Variants in OR10AG1 observed in about 807,000 individuals in gnomAD.
OR10AG1 encodes olfactory receptor 10AG1.
For missense variants in OR10AG1, 433 were observed against 376.5 expected, an observed-to-expected ratio of 1.15 and a Z score of -1.24; for synonymous variants, 147 against 128.6, an observed-to-expected ratio of 1.14 and a Z score of -0.97.
rs1852698715 is a variant in OR10AG1, at chr11:55,967,502, T to C, written c.*56A>G. 4 of 1,161,418 alleles carry C rather than the reference T, an allele frequency of 3.4e-6. No homozygotes were observed. The highest frequency in any genetic ancestry group is 2.9e-4 in the Middle Eastern group (1 of 3,392). The allele number at this position is 1,161,418 out of a possible 1,614,324, so 71.9% of individuals were successfully genotyped here. A position where few individuals can be genotyped will look rare whatever the true frequency, so the allele number is the denominator to read the frequency against. ...GGGACAAAGTTAAAAAAAAATTCAC[T>C]GAAGCCACATGACAAACCTATAAAG... On this transcript the variant is annotated 3_prime_UTR_variant, in exon 2 of 2. Coordinates refer to ENST00000641071, the MANE Select transcript of OR10AG1 (RefSeq NM_001005491.2).
In OR10AG1 at chr11:55,968,120, A is replaced by T; in HGVS notation, c.404T>A (p.Val135Glu). ...ATACTGCAAAGGCTTACAAATAGCC[A>T]CGTAGCGGTCATAGGCCATCACTGT... ...LLTVMAYDRYVAICKPLQYPL... is the reference protein window; with the variant it reads ...LLTVMAYDRYEAICKPLQYPL... The change falls in exon 2 of 2, where the codon GTG becomes GAG. Residue 135 changes from valine to glutamate, a missense_variant. Transcript: ENST00000641071. 6.2e-7 allele frequency: 1 copy of T among 1,614,006 alleles called. No homozygotes were observed. The highest frequency in any genetic ancestry group is 1.6e-4 in the Middle Eastern group (1 of 6,062).
chr11:55,967,990 G>A lies in OR10AG1; in HGVS notation c.534C>T (p.Pro178=). 6.2e-7 allele frequency: 1 copy of A among 1,614,064 alleles called. No homozygotes were observed. Among genetic ancestry groups the A allele is most frequent in the Non-Finnish European group, 8.5e-7 (1 of 1,179,988 alleles). Residue 178 remains proline, a synonymous_variant, in exon 2 of 2, where the codon CCC becomes CCT. Transcript: ENST00000641071. ...GATTAATTGTGTTAGTTCCGCAAAA[G>A]GGCAAAAGGAAAATTTGGCATGTTT... ...IGETCQIFLL[P]FCGTNTINHF...
chr11:55,969,678 A>ATAG (rs1215528025), intron 1 of OR10AG1, among the ~76,000 whole-genome samples: 1 of 152,152 alleles, frequency 6.6e-6, no homozygotes, highest in Non-Finnish European at 1.5e-5. Context: ...ATTGCCTTAA[A>ATAG]TGACTTTTCA....
chr11:55,967,353 T>G lies in OR10AG1; in HGVS notation c.*205A>C, dbSNP rs1693376748. 2 of 458,040 alleles carry G rather than the reference T, an allele frequency of 4.4e-6. No homozygotes were observed. Among genetic ancestry groups the G allele is most frequent in the South Asian group, 7.0e-5 (2 of 28,682 alleles). 28.4% of individuals were successfully genotyped at this position (458,040 alleles called of 1,614,324 possible). A position where few individuals can be genotyped will look rare whatever the true frequency, so the allele number is the denominator to read the frequency against. On this transcript the variant is annotated 3_prime_UTR_variant, in exon 2 of 2. Transcript: ENST00000641071. The stretch of plus-strand genomic sequence containing the variant: ...ACCATTGATCTTCAGAATGAGATCT[T>G]GGCACCTTAGTTAAATTGTGCTCCA...
rs955933619 is a variant in OR10AG1, at chr11:55,966,186, A to G, written c.*1372T>C. ...ACAAATTTCGTTATAAAAGTTTTTG[A>G]AAAAACACGTTTGTAATAACTATTG... On this transcript the variant is annotated 3_prime_UTR_variant, in exon 2 of 2. Coordinates refer to ENST00000641071, the MANE Select transcript of OR10AG1 (RefSeq NM_001005491.2). 6.6e-6 allele frequency: 1 copy of G among 151,450 alleles called. No individual in the cohort carries two copies. The highest frequency in any genetic ancestry group is 1.9e-4 in the East Asian group (1 of 5,180). 9.4% of individuals were successfully genotyped at this position (151,450 alleles called of 1,614,324 possible).
At position 55,968,355 on chromosome 11, in the gene OR10AG1, T is replaced by G; in HGVS notation, c.169A>C (p.Ile57Leu). The change falls in exon 2 of 2, where the codon ATA (isoleucine) becomes CTA (leucine). Residue 57 changes from isoleucine (I) to leucine (L), a missense_variant. Physicochemically the swap from Ile to Leu is conservative, Grantham distance 5. Transcript: ENST00000641071. Reference protein sequence around the residue: ...LMILMCNGIIILLIKIHPALQ... With the variant: ...LMILMCNGIILLLIKIHPALQ... The stretch of plus-strand genomic sequence containing the variant: ...GCGGGGTGAATTTTTATTAGTAGTA[T>G]TATGATGCCATTGCACATCAGGATC... 6.2e-7 allele frequency: 1 copy of G among 1,610,756 alleles called. No homozygotes were observed. Among genetic ancestry groups the G allele is most frequent in the Non-Finnish European group, 8.5e-7 (1 of 1,177,034 alleles).
Sources: allele counts gnomAD v4.1 joint callset (sites outside exome capture counted in the v4.1 genomes callset), GRCh38; gene constraint gnomAD v4.1.1; transcripts MANE v1.5; gene names NCBI Gene and HGNC (gene_info 2026-07-23, HGNC 2026-07-21).